NLGN4X: variants seen among roughly 807,000 people sequenced by gnomAD.
NLGN4X encodes the protein neuroligin-4, X-linked.
In NLGN4X, 3 loss-of-function variants were observed where a neutral mutation model predicts 40.3. That is an observed-to-expected ratio of 0.07 (90% confidence interval 0.03 to 0.19). The LOEUF is 0.19. Ranked by LOEUF, NLGN4X falls within the 10% of genes least tolerant of loss-of-function variation. The pLI is 1.00. For synonymous variants in NLGN4X, 270 were observed against 306.8 expected (o/e 0.88, Z 1.25); for missense variants, 382 against 708.3 (o/e 0.54, Z 5.23).
intron 1 of NLGN4X, among the ~76,000 whole-genome samples, chrX:6,225,681 CTTTTTTTCTTTTTTTTTTTT>C (rs1926173883): frequency 3.8e-4 from 13 of 33,800 alleles, no homozygotes; most frequent in African/African-American, 6.1e-4. Context: ...TTTTTTCTTT[CTTTTTTTCTTTTTTTTTTTT>C]TTTTTTTTTT....
At chrX:6,147,035 A>C (rs2040063459) in intron 2 of NLGN4X, among the ~76,000 whole-genome samples, 1 of 111,266 alleles carries the variant, frequency 9.0e-6, no homozygotes. Flanking sequence ...CAAGTGATCC[A>C]CCCACCATGA....
At chrX:5,979,724 A>ATG (rs1385557172) in intron 3 of NLGN4X, among the ~76,000 whole-genome samples, 1 of 93,291 alleles carries the variant, frequency 1.1e-5, no homozygotes, top group Non-Finnish European at 2.0e-5. Context: ...GAATATATAT[A>ATG]TGTGTGTATA....
intron 3 of NLGN4X, among the ~76,000 whole-genome samples, chrX:5,915,334 AT>A (rs2032736693): frequency 1.8e-5 from 2 of 112,086 alleles, no homozygotes; most frequent in South Asian, 3.7e-4. Flanking sequence ...CTGCATAGGT[AT>A]TTTTTAAGTG....
chrX:5,897,506 C>G (rs1672586322), intron 5 of NLGN4X, among the ~76,000 whole-genome samples: 1 of 111,951 alleles, frequency 8.9e-6, no homozygotes, highest in Admixed American at 9.4e-5. Context: ...TCTACAATGC[C>G]TCTGCATGTT....
In NLGN4X at chrX:6,013,734, T is replaced by C. The variant is rs756187302; in HGVS notation, c.625+15546A>G. 3.8e-4 allele frequency among the ~76,000 whole-genome samples: 42 copies of C among 110,608 alleles called. No individual in the cohort carries two copies. The South Asian group carries it at 0.016, about 41-fold the overall frequency. On this transcript the variant is annotated intron_variant, in intron 3 of 5. Transcript: ENST00000381095. ...TTAGCTGGGCGTGGTGGTGCATGTC[T>C]GTAGTCCCAGCTTCTCAGGAGGGTG...
chrX:6,074,488 T>A (rs2038145926), intron 2 of NLGN4X, among the ~76,000 whole-genome samples: 1 of 111,757 alleles, frequency 8.9e-6, no homozygotes, highest in African/African-American at 3.3e-5. Context: ...AGAATATTGT[T>A]GCCATGTTCT....
intron 2 of NLGN4X, among the ~76,000 whole-genome samples, chrX:6,131,207 T>TA (rs1010606216): frequency 2.8e-5 from 3 of 108,952 alleles, no homozygotes; most frequent in East Asian, 2.9e-4. Flanking sequence ...ATTCATGCAT[T>TA]AAAAAAAAAG....
rs2036795440 is a variant in NLGN4X at position 6,029,420 on chromosome X, T to C, written c.485A>G (p.Gln162Arg). ...GACCATGACGGGCTTCTTACTGTTC[T>C]GATCATGAATATCTGGAAAAAAAAG... is the stretch of plus-strand genomic sequence containing the variant. ...YVPTEDDIHD[Q>R]NSKKPVMVYI... is the part of the protein sequence containing the mutation. The change falls in exon 3 of 6, where the codon CAG becomes CGG. Residue 162 changes from glutamine (Q) to arginine (R), a missense_variant. This residue lies in a region of NLGN4X where 115 missense variants were observed against 149.6 expected (regional missense o/e 0.77). Coordinates refer to ENST00000381095, the MANE Select transcript of NLGN4X (RefSeq NM_181332.3). 8.3e-7 allele frequency: 1 copy of C among 1,210,784 alleles called. No homozygotes were observed. Among genetic ancestry groups the C allele is most frequent in the Non-Finnish European group, 1.1e-6 (1 of 894,867 alleles).
At chrX:6,198,601 T>C (rs1923337100) in intron 1 of NLGN4X, among the ~76,000 whole-genome samples, 2 of 111,761 alleles carry the variant, frequency 1.8e-5, no homozygotes, top group Admixed American at 1.9e-4. Flanking sequence ...TGCTTACAAA[T>C]TGCATGAGCT....
chrX:6,157,656 G>A (rs1414102046), intron 1 of NLGN4X, among the ~76,000 whole-genome samples: 5 of 111,421 alleles, frequency 4.5e-5, no homozygotes, highest in Non-Finnish European at 1.9e-5. Flanking sequence ...CTAGAGGGCT[G>A]TATTTTCCTT....
intron 2 of NLGN4X, among the ~76,000 whole-genome samples, chrX:6,058,028 G>A (rs935017707): frequency 3.6e-5 from 4 of 111,031 alleles, no homozygotes; most frequent in Non-Finnish European, 5.7e-5. Flanking sequence ...ATAAAAATAC[G>A]TCATAAACAC....
rs2031228168 is a variant in NLGN4X, at chrX:5,892,446, T to C, written c.*371A>G. 2 of 225,744 alleles carry C rather than the reference T, an allele frequency of 8.9e-6. No homozygotes were observed. The highest frequency in any genetic ancestry group is 1.2e-4 in the Admixed American group (2 of 16,312). 18.6% of individuals were successfully genotyped at this position (225,744 alleles called of 1,213,427 possible). ...GTAATTAAAAAATATCAAGTGTCCT[T>C]GGCTGAGTTTCAGAAGTGTCAGCTG... On this transcript the variant is annotated 3_prime_UTR_variant, in exon 6 of 6. Coordinates refer to ENST00000381095, the MANE Select transcript of NLGN4X (RefSeq NM_181332.3).
chrX:5,905,824 T>A (rs1045129116), intron 4 of NLGN4X, among the ~76,000 whole-genome samples: 4 of 111,750 alleles, frequency 3.6e-5, no homozygotes, highest in African/African-American at 1.3e-4. Context: ...GGACAACAGA[T>A]GCGTCTCTTT....
intron 2 of NLGN4X, among the ~76,000 whole-genome samples, chrX:6,088,116 G>A (rs5916298): frequency 0.27 from 30,173 of 111,742 alleles, 3,029 homozygotes; most frequent in African/African-American, 0.32. Flanking sequence ...GGAAAAGGCG[G>A]AAAATGGTAC....
chrX:5,890,490 A>G lies in NLGN4X; in HGVS notation c.*2327T>C, dbSNP rs771974723. 1 of 293,756 alleles carries G rather than the reference A, an allele frequency of 3.4e-6. No homozygotes were observed. Among genetic ancestry groups the G allele is most frequent in the African/African-American group, 2.7e-5 (1 of 36,536 alleles). The allele number at this position is 293,756 out of a possible 1,213,427, so 24.2% of individuals were successfully genotyped here. On this transcript the variant is annotated 3_prime_UTR_variant, in exon 6 of 6. Coordinates refer to ENST00000381095, the MANE Select transcript of NLGN4X (RefSeq NM_181332.3). ...TTACTGTACATATTGCTAGCAGGAG[A>G]CAACTGGAAATACTAAACAAATACT...
At chrX:6,122,544 C>T (rs1167973197) in intron 2 of NLGN4X, among the ~76,000 whole-genome samples, 1 of 110,469 alleles carries the variant, frequency 9.1e-6, no homozygotes, top group Non-Finnish European at 1.9e-5. Flanking sequence ...GAGAGGTGGG[C>T]TTTTGATTGC....
chrX:6,109,927 C>T (rs1205488372), intron 2 of NLGN4X, among the ~76,000 whole-genome samples: 1 of 110,776 alleles, frequency 9.0e-6, no homozygotes. Context: ...CAGAAATAAG[C>T]CAGATTAGGG....
chrX:6,209,788 G>C lies in NLGN4X; in HGVS notation c.-306+18753C>G, dbSNP rs183257989. ...CTTAAAATGAGGCATACTTACATTA[G>C]CATAAGAATGATAGCCAACTATCTA... On this transcript the variant is annotated intron_variant, in intron 1 of 5. Coordinates refer to ENST00000381095, the MANE Select transcript of NLGN4X (RefSeq NM_181332.3). Among the ~76,000 whole-genome samples, 7 of 111,926 alleles carry C rather than the reference G, an allele frequency of 6.3e-5. No individual in the cohort carries two copies. In the Admixed American group the frequency reaches 6.6e-4, roughly 11 times the overall value.
At chrX:6,088,229 T>G (rs181002577) in intron 2 of NLGN4X, among the ~76,000 whole-genome samples, 283 of 112,705 alleles carry the variant, frequency 2.5e-3, no homozygotes, top group African/African-American at 8.7e-3. Flanking sequence ...TATGTGACCT[T>G]TTAAACAATA....
Sources: allele counts gnomAD v4.1 joint callset (sites outside exome capture counted in the v4.1 genomes callset), GRCh38; gene constraint gnomAD v4.1.1; regional missense constraint gnomAD v4.1.1; transcripts MANE v1.5; gene names NCBI Gene and HGNC (gene_info 2026-07-23, HGNC 2026-07-21).